TMEM184A: variants seen among roughly 807,000 people sequenced by gnomAD.
TMEM184A encodes the protein transmembrane protein 184A, also known as sexually dimorphic, expressed in male gonads 1.
Under a neutral mutation model 39.5 loss-of-function variants are expected in TMEM184A, and 40 were observed. The ratio of observed to expected loss-of-function variants is 1.01; its 90% CI spans 0.79 to 1.32. The LOEUF (loss-of-function observed/expected upper bound fraction) is 1.32, where lower values mean the gene tolerates loss of function less well. TMEM184A is among the 40% of genes most tolerant of loss of function. The pLI, the probability that TMEM184A is intolerant of heterozygous loss-of-function variation, is 0.00. For missense variants in TMEM184A, 603 were observed against 568.8 expected, an observed-to-expected ratio of 1.06 and a Z score of -0.61; for synonymous variants, 280 against 252.3, an observed-to-expected ratio of 1.11 and a Z score of -1.04.
At chr7:1,548,800 C>T (rs1167729243) in intron 6 of TMEM184A, 112 bp from the exon 7 acceptor site, 1 of 1,279,286 alleles carries the variant, frequency 7.8e-7, no homozygotes, top group Non-Finnish European at 1.1e-6. Flanking sequence ...AGCTTGGGAG[C>T]ATGGGCCCTG....
At chr7:1,549,518 G>A (rs1452221143) in intron 6 of TMEM184A, 10 of 492,172 alleles carry the variant, frequency 2.0e-5, no homozygotes, top group Admixed American at 1.2e-4. Context: ...GGTCCTCGGC[G>A]CAGATGCTGG....
rs1364107010 is a variant in TMEM184A, at chr7:1,548,495, C to CCCTGCCCCA, written c.814+15_814+23dup. ...ACTGCAGCCCCCACCTCGGTAGCACCCCTGCCCCACCTGCCCCACACACCT... is the reference window on the plus strand; with the variant it reads ...ACTGCAGCCCCCACCTCGGTAGCACCCCTGCCCCACCTGCCCCACCTGCCCCACACACCT... On this transcript the variant is annotated intron_variant, in intron 7 of 8. Coordinates refer to ENST00000297477, the MANE Select transcript of TMEM184A (RefSeq NM_001097620.2). 8 of 1,600,286 alleles carry CCCTGCCCCA rather than the reference C, an allele frequency of 5.0e-6. No homozygotes were observed. In the African/African-American group the frequency reaches 8.0e-5, roughly 16 times the overall value.
intron 2 of TMEM184A, among the ~76,000 whole-genome samples, chr7:1,551,767 T>G (rs1186495939): frequency 6.6e-6 from 1 of 151,886 alleles, no homozygotes; most frequent in Non-Finnish European, 1.5e-5. Flanking sequence ...TGAAACACAG[T>G]CTCTACTAAA....
intron 2 of TMEM184A, among the ~76,000 whole-genome samples, chr7:1,554,364 G>C (rs1296802517): frequency 6.6e-6 from 1 of 151,916 alleles, no homozygotes; most frequent in Admixed American, 6.6e-5. Context: ...CCAGTGCCCC[G>C]TGCACCCGGG....
At chr7:1,551,009 G>A in intron 2 of TMEM184A, 27 bp from the exon 3 acceptor site, 1 of 1,594,904 alleles carries the variant, frequency 6.3e-7, no homozygotes, top group Non-Finnish European at 8.5e-7. Flanking sequence ...TCGCATGAGA[G>A]CCGGGCCCGC....
In TMEM184A at chr7:1,543,340, G is replaced by A. The variant is rs1439951636; in HGVS notation, c.*3612C>T. On this transcript the variant is annotated 3_prime_UTR_variant, in exon 9 of 9. Transcript: ENST00000297477. ...GTCCATGCAGCCTCTCCCTTCCAGT[G>A]GAAGGAGCAGAGAGCAGCACGGCTG... 2 of 152,432 alleles carry A rather than the reference G, an allele frequency of 1.3e-5. No individual in the cohort carries two copies. The highest frequency in any genetic ancestry group is 3.9e-4 in the East Asian group (2 of 5,184). 9.4% of individuals were successfully genotyped at this position (152,432 alleles called of 1,614,324 possible). A position where few individuals can be genotyped will look rare whatever the true frequency, so the allele number is the denominator to read the frequency against.
In TMEM184A at chr7:1,555,165, C is replaced by T; in HGVS notation, c.219+101G>A. On this transcript the variant is annotated intron_variant, in intron 2 of 8. Transcript: ENST00000297477. This position sits in a 1 kb window ranked among gnomAD's most constrained non-coding sequence, Gnocchi z 5.2. Reference sequence around the variant, plus strand: ...GTGCCCTGGCCGATCCCACTTCTGACAGCGTCTATAGCAGCGGCACCCAGG... The same window carrying T: ...GTGCCCTGGCCGATCCCACTTCTGATAGCGTCTATAGCAGCGGCACCCAGG... 5 of 1,000,162 alleles carry T rather than the reference C, an allele frequency of 5.0e-6. No homozygotes were observed. The highest frequency in any genetic ancestry group is 3.3e-5 in the African/African-American group (2 of 60,336). 62.0% of individuals were successfully genotyped at this position (1,000,162 alleles called of 1,614,324 possible).
In TMEM184A at chr7:1,555,350, G is replaced by A. The variant is rs761166052; in HGVS notation, c.135C>T (p.Ala45=). 9 of 1,610,466 alleles carry A rather than the reference G, an allele frequency of 5.6e-6. No homozygotes were observed. The highest frequency in any genetic ancestry group is 7.6e-6 in the Non-Finnish European group (9 of 1,178,840). Residue 45 remains alanine (A), a synonymous_variant, in exon 2 of 9, where the codon GCC becomes GCT. Coordinates refer to ENST00000297477, the MANE Select transcript of TMEM184A (RefSeq NM_001097620.2). This position sits in a 1 kb window ranked among gnomAD's most constrained non-coding sequence, Gnocchi z 5.2. The part of the protein sequence containing the change: ...MDHMGNSSQG[A]PWLFLTSALA... Reference sequence around the variant, plus strand: ...GTGCGGAGGTGAGGAAGAGCCAGGGGGCCCCCTGGGAGCTGTTCCCCATGT... The same window carrying A: ...GTGCGGAGGTGAGGAAGAGCCAGGGAGCCCCCTGGGAGCTGTTCCCCATGT...
In TMEM184A at chr7:1,555,863, G is replaced by A. The variant is rs535021845; in HGVS notation, c.-1+251C>T. ...TGCCCGGGAGGGCTGGGGAGCGGGC[G>A]CAGACCAGCACTGCCTGCCCCGGCA... On this transcript the variant is annotated intron_variant, in intron 1 of 8. Coordinates refer to ENST00000297477, the MANE Select transcript of TMEM184A (RefSeq NM_001097620.2). This position sits in a 1 kb window ranked among gnomAD's most constrained non-coding sequence, Gnocchi z 5.2. The A allele has an allele frequency of 1.3e-5, 4 of 316,842 alleles. No homozygotes were observed. The highest frequency in any genetic ancestry group is 5.1e-5 in the Admixed American group (1 of 19,732). 19.6% of individuals were successfully genotyped at this position (316,842 alleles called of 1,614,324 possible). A position where few individuals can be genotyped will look rare whatever the true frequency, so the allele number is the denominator to read the frequency against.
In TMEM184A at chr7:1,549,957, G is replaced by A. The variant is rs1172230331; in HGVS notation, c.553-12C>T. The A allele has an allele frequency of 4.3e-6, 7 of 1,611,964 alleles. No homozygotes were observed. The highest frequency in any genetic ancestry group is 4.5e-5 in the East Asian group (2 of 44,856). ...AACTGCAGAGTGGCCTGGGGGCGACGGCACCCGGTGGGCCTGGGGCCAGGT... is the reference window on the plus strand; with the variant it reads ...AACTGCAGAGTGGCCTGGGGGCGACAGCACCCGGTGGGCCTGGGGCCAGGT... On this transcript the variant is annotated splice_polypyrimidine_tract_variant and intron_variant, in intron 5 of 8. Transcript: ENST00000297477.
chr7:1,554,673 G>A lies in TMEM184A; in HGVS notation c.219+593C>T, dbSNP rs558459709. Reference sequence around the variant, plus strand: ...TGGCCCTTCCTTGCCACAGCGCCTGGCCGCTTCTCTACCTGGGGGCTGTTC... The same window carrying A: ...TGGCCCTTCCTTGCCACAGCGCCTGACCGCTTCTCTACCTGGGGGCTGTTC... On this transcript the variant is annotated intron_variant, in intron 2 of 8. Transcript: ENST00000297477. Among the ~76,000 whole-genome samples the A allele has an allele frequency of 3.6e-3, 556 of 152,350 alleles. 1 individual carries two copies. Among genetic ancestry groups the A allele is most frequent in the Non-Finnish European group, 4.8e-3 (326 of 68,030 alleles).
At chr7:1,551,064 G>T in intron 2 of TMEM184A, 82 bp from the exon 3 acceptor site, 1 of 1,463,810 alleles carries the variant, frequency 6.8e-7, no homozygotes, top group Non-Finnish European at 9.1e-7. Flanking sequence ...AGGAGGTGGG[G>T]GTGGGTGCAG....
Position 1,547,052 on chromosome 7 carries a change from T to C in TMEM184A, c.1142A>G (p.Glu381Gly), listed in dbSNP as rs1206613082. Residue 381 changes from glutamate to glycine, a missense_variant, in exon 9 of 9, where the codon GAG becomes GGG. Coordinates refer to ENST00000297477, the MANE Select transcript of TMEM184A (RefSeq NM_001097620.2). ...GGGGTGGGTGCCGGGCCTGGGCGCC[T>C]CGTGCGTGGCCTGCTGCGTGTAGTG... ...YQHYTQQATH[E>G]APRPGTHPSG... 6.2e-7 allele frequency: 1 copy of C among 1,608,476 alleles called. No homozygotes were observed. Among genetic ancestry groups the C allele is most frequent in the East Asian group, 2.2e-5 (1 of 44,848 alleles).
At position 1,544,593 on chromosome 7, in the gene TMEM184A, C is replaced by T. The variant is rs1033267303; in HGVS notation, c.*2359G>A. The stretch of plus-strand genomic sequence containing the variant: ...CTCCCCCTCGAGGCAGGTTGAGCCC[C>T]GGCCTGGACCGCCCCACGCTGCCTT... On this transcript the variant is annotated 3_prime_UTR_variant, in exon 9 of 9. Transcript: ENST00000297477. 5 of 152,392 alleles carry T rather than the reference C, an allele frequency of 3.3e-5. No homozygotes were observed. Among genetic ancestry groups the T allele is most frequent in the Non-Finnish European group, 5.9e-5 (4 of 68,122 alleles). The allele number at this position is 152,392 out of a possible 1,614,324, so 9.4% of individuals were successfully genotyped here.
At position 1,556,162 on chromosome 7, in the gene TMEM184A, A is replaced by T. The variant is rs1339249463; in HGVS notation, c.-49T>A. ...CCCAGTCCAGGGAGGCCTGGCCTCCAGGGAAGCCTAGCTGGTCATTCTCAT... is the reference window on the plus strand; with the variant it reads ...CCCAGTCCAGGGAGGCCTGGCCTCCTGGGAAGCCTAGCTGGTCATTCTCAT... On this transcript the variant is annotated 5_prime_UTR_variant, in exon 1 of 9. Transcript: ENST00000297477. 1 of 152,458 alleles carries T rather than the reference A, an allele frequency of 6.6e-6. No homozygotes were observed. Among genetic ancestry groups the T allele is most frequent in the Non-Finnish European group, 1.5e-5 (1 of 68,200 alleles). The allele number at this position is 152,458 out of a possible 1,614,324, so 9.4% of individuals were successfully genotyped here.
At chr7:1,550,687 C>G in intron 3 of TMEM184A, 130 bp downstream of exon 3, 1 of 1,221,664 alleles carries the variant, frequency 8.2e-7, no homozygotes, top group Non-Finnish European at 1.1e-6. Context: ...CCCTGACTAT[C>G]CTGGCAGCCC....
intron 8 of TMEM184A, among the ~76,000 whole-genome samples, 161 bp downstream of exon 8, chr7:1,547,581 C>T (rs1187055151): frequency 6.6e-6 from 1 of 152,154 alleles, no homozygotes; most frequent in African/African-American, 2.4e-5. Flanking sequence ...ACCGCCTGGA[C>T]CCCACACAGC....
intron 3 of TMEM184A, 22 bp downstream of exon 3, chr7:1,550,795 C>T (rs1462570934): frequency 6.2e-7 from 1 of 1,610,660 alleles, no homozygotes; most frequent in East Asian, 2.2e-5. Context: ...GCTCCCCCGA[C>T]CTGACGCAGC....
intron 2 of TMEM184A, among the ~76,000 whole-genome samples, chr7:1,551,610 G>C (rs1053321995): frequency 6.6e-6 from 1 of 152,154 alleles, no homozygotes; most frequent in African/African-American, 2.4e-5. Context: ...ACATATTTCT[G>C]GTTACAACTA....
Sources: gnomAD v4.1 joint callset for allele counts (sites outside exome capture counted in the v4.1 genomes callset) on GRCh38, gnomAD v4.1.1 for gene constraint, Gnocchi (gnomAD v3.1) non-coding constraint, MANE v1.5 for transcripts, NCBI Gene and HGNC (gene_info 2026-07-23, HGNC 2026-07-21) for gene names.